Variants in CDH18 observed in about 807,000 individuals in gnomAD.
CDH18 encodes cadherin-18.
A neutral mutation model predicts 67.9 loss-of-function variants in CDH18; 31 were observed. The observed-to-expected ratio is 0.46, with a 90% CI of 0.34 to 0.62. CDH18 has a LOEUF of 0.62. CDH18 is among the 20% of genes least tolerant of loss of function. CDH18 has a pLI of 0.01. For synonymous variants in CDH18, 362 were observed against 347.2 expected (o/e 1.04, Z -0.48); for missense variants, 890 against 975.5 (o/e 0.91, Z 1.17).
At chr5:20,094,027 C>G (rs1745670248) in intron 2 of CDH18, among the ~76,000 whole-genome samples, 2 of 151,806 alleles carry the variant, frequency 1.3e-5, no homozygotes, top group Non-Finnish European at 2.9e-5. Context: ...GCCAAGAAAA[C>G]AAAAATTCAG....
chr5:20,046,665 T>A (rs1019601460), intron 2 of CDH18, among the ~76,000 whole-genome samples: 4 of 148,728 alleles, frequency 2.7e-5, no homozygotes, highest in African/African-American at 9.8e-5. Flanking sequence ...TGTGTGAATA[T>A]GTGTGTGTGT....
intron 3 of CDH18, among the ~76,000 whole-genome samples, chr5:19,765,215 A>C (rs1233622275): frequency 3.9e-5 from 6 of 152,170 alleles, no homozygotes; most frequent in African/African-American, 1.4e-4. Context: ...GTGATGTGCT[A>C]AGGTGAATCA....
At chr5:19,959,750 C>A (rs1455906255) in intron 2 of CDH18, among the ~76,000 whole-genome samples, 2 of 151,992 alleles carry the variant, frequency 1.3e-5, no homozygotes, top group Non-Finnish European at 2.9e-5. Flanking sequence ...AGAAATACAC[C>A]CTTCAATGAT....
intron 2 of CDH18, among the ~76,000 whole-genome samples, chr5:19,863,660 C>T (rs148912577): frequency 2.6e-5 from 4 of 151,926 alleles, no homozygotes; most frequent in Non-Finnish European, 5.9e-5. Context: ...TCTCTATCCA[C>T]CAATGCAACC....
rs886169963 is a variant in CDH18 at position 19,571,909 on chromosome 5, A to G, written c.1000-77T>C. 7.8e-6 allele frequency: 9 copies of G among 1,154,434 alleles called. No individual in the cohort carries two copies. The East Asian group carries it at 1.5e-4, about 19-fold the overall frequency. The allele number at this position is 1,154,434 out of a possible 1,614,324, so 71.5% of individuals were successfully genotyped here. A position where few individuals can be genotyped will look rare whatever the true frequency, so the allele number is the denominator to read the frequency against. ...GACTTTCATTACTTTTCAAATATGCATTATTTTTTCCTTTTTAGAATAAAA... is the reference window on the plus strand; with the variant it reads ...GACTTTCATTACTTTTCAAATATGCGTTATTTTTTCCTTTTTAGAATAAAA... On this transcript the variant is annotated intron_variant, in intron 7 of 12. Transcript: ENST00000382275.
chr5:19,741,681 G>T (rs1212337226), intron 4 of CDH18, among the ~76,000 whole-genome samples: 1 of 151,940 alleles, frequency 6.6e-6, no homozygotes, highest in Non-Finnish European at 1.5e-5. Context: ...CTCTGGACAG[G>T]ATTATAAATT....
chr5:20,101,063 T>C (rs957583071), intron 2 of CDH18, among the ~76,000 whole-genome samples: 1 of 151,958 alleles, frequency 6.6e-6, no homozygotes. Flanking sequence ...GTAATCCTCC[T>C]ACCCAACCCT....
intron 2 of CDH18, among the ~76,000 whole-genome samples, chr5:20,047,898 A>C (rs1161483137): frequency 6.6e-6 from 1 of 151,788 alleles, no homozygotes; most frequent in East Asian, 1.9e-4. Flanking sequence ...TAGGGCACTA[A>C]TTATCTAAAA....
intron 2 of CDH18, among the ~76,000 whole-genome samples, chr5:20,150,272 A>C (rs1750999037): frequency 6.6e-6 from 1 of 152,112 alleles, no homozygotes; most frequent in Non-Finnish European, 1.5e-5. Context: ...GAAAGTCTGC[A>C]TCATGGGAAA....
intron 5 of CDH18, among the ~76,000 whole-genome samples, chr5:19,632,204 C>T (rs1428877643): frequency 2.0e-5 from 3 of 152,130 alleles, no homozygotes. Context: ...GACATATTTT[C>T]TCCAAAGCAG....
chr5:20,374,798 T>G (rs1580855656), intron 1 of CDH18, among the ~76,000 whole-genome samples: 1 of 152,268 alleles, frequency 6.6e-6, no homozygotes. Flanking sequence ...TATAAAAATA[T>G]ATCCAAAGCA....
intron 1 of CDH18, among the ~76,000 whole-genome samples, chr5:20,334,341 G>C (rs1739506686): frequency 6.6e-6 from 1 of 150,990 alleles, no homozygotes; most frequent in African/African-American, 2.4e-5. Context: ...GTTTCACCGT[G>C]TTAGCCAGGA....
intron 1 of CDH18, among the ~76,000 whole-genome samples, chr5:20,403,197 A>T (rs995937637): frequency 6.6e-6 from 1 of 152,130 alleles, no homozygotes; most frequent in African/African-American, 2.4e-5. Flanking sequence ...ATGGTAAATT[A>T]TTTCTAGAAG....
At chr5:19,929,406 C>A (rs144350941) in intron 2 of CDH18, among the ~76,000 whole-genome samples, 290 of 152,168 alleles carry the variant, frequency 1.9e-3, no homozygotes, top group African/African-American at 6.3e-3. Flanking sequence ...CTCCTCAAGA[C>A]TGAATCAAAC....
intron 1 of CDH18, among the ~76,000 whole-genome samples, chr5:20,512,791 G>A (rs1329035244): frequency 6.6e-6 from 1 of 151,564 alleles, no homozygotes; most frequent in Non-Finnish European, 1.5e-5. Context: ...GGCTGAGGCA[G>A]GAGAATCACT....
At chr5:20,538,896 C>CTATT (rs775628726) in intron 1 of CDH18, among the ~76,000 whole-genome samples, 1 of 69,128 alleles carries the variant, frequency 1.4e-5, no homozygotes, top group East Asian at 9.7e-4. Context: ...ACATAGCCAA[C>CTATT]TGTTTTTTTT....
chr5:20,513,741 T>G (rs995322041), intron 1 of CDH18, among the ~76,000 whole-genome samples: 56 of 151,342 alleles, frequency 3.7e-4, no homozygotes, highest in African/African-American at 1.3e-3. Context: ...GTCCTAAATG[T>G]CCTTTTATTT....
At chr5:20,165,375 T>C (rs1441031062) in intron 2 of CDH18, among the ~76,000 whole-genome samples, 1 of 152,094 alleles carries the variant, frequency 6.6e-6, no homozygotes, top group Non-Finnish European at 1.5e-5. Context: ...GGACAATCTC[T>C]GTCATTTGAG....
intron 1 of CDH18, among the ~76,000 whole-genome samples, chr5:20,388,116 T>G (rs1349688721): frequency 1.3e-5 from 2 of 152,214 alleles, no homozygotes; most frequent in Non-Finnish European, 2.9e-5. Context: ...CTTTTTCTGT[T>G]GATTGGAATA....
Sources: gnomAD v4.1 joint callset for allele counts (sites outside exome capture counted in the v4.1 genomes callset) on GRCh38, gnomAD v4.1.1 for gene constraint, MANE v1.5 for transcripts, NCBI Gene and HGNC (gene_info 2026-07-23, HGNC 2026-07-21) for gene names.